ILRUN: variants seen among roughly 807,000 people sequenced by gnomAD.
ILRUN encodes inflammation and lipid regulator with UBA-like and NBR1-like domains.
Under a neutral mutation model 33.8 loss-of-function variants are expected in ILRUN, and 3 were observed. The observed-to-expected ratio is 0.09, with a 90% CI of 0.04 to 0.23. ILRUN has a LOEUF of 0.23. Among genes scored for constraint, ILRUN ranks in the 10% least tolerant of loss-of-function variants. The pLI is 1.00. For missense variants in ILRUN, 210 were observed against 375.1 expected, an observed-to-expected ratio of 0.56 and a Z score of 3.64; for synonymous variants, 124 against 138.9, an observed-to-expected ratio of 0.89 and a Z score of 0.75.
intron 3 of ILRUN, among the ~76,000 whole-genome samples, chr6:34,612,809 A>C (rs991525265): frequency 6.6e-6 from 1 of 152,016 alleles, no homozygotes. Context: ...TTGGGAGGCC[A>C]AGGCGGGCGG....
intron 1 of ILRUN, among the ~76,000 whole-genome samples, chr6:34,669,267 G>A (rs948718424): frequency 6.0e-5 from 9 of 149,964 alleles, no homozygotes; most frequent in African/African-American, 2.2e-4. Flanking sequence ...GGGACTAAAG[G>A]TATGTACCAT....
intron 4 of ILRUN, among the ~76,000 whole-genome samples, chr6:34,599,243 A>G (rs1761461042): frequency 6.6e-6 from 1 of 152,270 alleles, no homozygotes; most frequent in South Asian, 2.1e-4. Context: ...AATGAGGATT[A>G]TAACTACGAA....
At chr6:34,653,969 T>TG (rs1762721343) in intron 2 of ILRUN, among the ~76,000 whole-genome samples, 1 of 75,400 alleles carries the variant, frequency 1.3e-5, no homozygotes, top group African/African-American at 7.6e-5. Flanking sequence ...AGATGCTGTC[T>TG]CAAAAAAAAA....
intron 1 of ILRUN, among the ~76,000 whole-genome samples, chr6:34,693,246 C>T (rs1016678651): frequency 6.6e-6 from 1 of 152,136 alleles, no homozygotes; most frequent in African/African-American, 2.4e-5. Context: ...AAAGAACATG[C>T]CTTATGTAGC....
chr6:34,693,101 C>G (rs1247325609), intron 1 of ILRUN, among the ~76,000 whole-genome samples: 1 of 150,846 alleles, frequency 6.6e-6, no homozygotes, highest in Non-Finnish European at 1.5e-5. Flanking sequence ...AAAAATCTGT[C>G]AAGATGAATT....
intron 4 of ILRUN, among the ~76,000 whole-genome samples, chr6:34,596,617 T>C (rs1321440997): frequency 1.3e-5 from 2 of 152,126 alleles, no homozygotes; most frequent in Non-Finnish European, 2.9e-5. Flanking sequence ...CTTGGCCTGT[T>C]CAAGTCTCTT....
At chr6:34,673,904 TACACACACACACACACACACACAC>T (rs370280008) in intron 1 of ILRUN, among the ~76,000 whole-genome samples, 1 of 113,004 alleles carries the variant, frequency 8.8e-6, no homozygotes, top group Non-Finnish European at 1.9e-5. Flanking sequence ...AACAACCACA[TACACACACACACACACACACACAC>T]ACACACACGA....
chr6:34,662,038 T>C, intron 1 of ILRUN, among the ~76,000 whole-genome samples: 1 of 139,080 alleles, frequency 7.2e-6, no homozygotes, highest in African/African-American at 2.6e-5. Flanking sequence ...GGCAGGAGAA[T>C]GGCGTGAACC....
At chr6:34,624,052 G>A (rs1344108700) in intron 3 of ILRUN, among the ~76,000 whole-genome samples, 1 of 152,102 alleles carries the variant, frequency 6.6e-6, no homozygotes, top group Non-Finnish European at 1.5e-5. Context: ...GGCTGGTCTT[G>A]AACTCCTGAC....
intron 3 of ILRUN, among the ~76,000 whole-genome samples, chr6:34,613,418 G>C (rs1484127225): frequency 6.6e-6 from 1 of 152,180 alleles, no homozygotes; most frequent in Non-Finnish European, 1.5e-5. Flanking sequence ...GCTAGCATCA[G>C]AGGTCAAATC....
At chr6:34,623,900 C>G (rs1012454471) in intron 3 of ILRUN, among the ~76,000 whole-genome samples, 13 of 152,094 alleles carry the variant, frequency 8.5e-5, no homozygotes, top group African/African-American at 3.1e-4. Flanking sequence ...GTCACAATCT[C>G]GGCTCACCGC....
intron 1 of ILRUN, among the ~76,000 whole-genome samples, chr6:34,656,699 A>T (rs889780140): frequency 6.6e-6 from 1 of 152,190 alleles, no homozygotes; most frequent in African/African-American, 2.4e-5. Context: ...AACAGCAAAT[A>T]ATTTTCTGTT....
chr6:34,663,640 A>T (rs1762937503), intron 1 of ILRUN, among the ~76,000 whole-genome samples: 1 of 152,164 alleles, frequency 6.6e-6, no homozygotes, highest in Non-Finnish European at 1.5e-5. Context: ...CACCCCGTCC[A>T]GCTAAGGTCT....
intron 1 of ILRUN, among the ~76,000 whole-genome samples, chr6:34,683,259 C>T (rs1763412244): frequency 6.6e-6 from 1 of 150,868 alleles, no homozygotes; most frequent in Admixed American, 6.6e-5. Context: ...CCCACTCAAA[C>T]AATGGAGGTA....
At chr6:34,612,667 G>A (rs1290119211) in intron 3 of ILRUN, among the ~76,000 whole-genome samples, 1 of 152,166 alleles carries the variant, frequency 6.6e-6, no homozygotes, top group Non-Finnish European at 1.5e-5. Flanking sequence ...AGCACTTTGG[G>A]AGGCCAAAGC....
chr6:34,645,370 T>TTTTGG (rs1397594419), intron 3 of ILRUN, among the ~76,000 whole-genome samples: 3 of 152,002 alleles, frequency 2.0e-5, no homozygotes, highest in African/African-American at 7.3e-5. Context: ...AAGGTTGGTT[T>TTTTGG]TTTTGTTTTG....
At chr6:34,634,120 T>C (rs1480709567) in intron 3 of ILRUN, among the ~76,000 whole-genome samples, 1 of 152,100 alleles carries the variant, frequency 6.6e-6, no homozygotes, top group African/African-American at 2.4e-5. Flanking sequence ...ATTAAAAATG[T>C]ATTTTAAAAA....
intron 3 of ILRUN, among the ~76,000 whole-genome samples, chr6:34,618,707 C>T (rs1298312830): frequency 6.6e-6 from 1 of 152,234 alleles, no homozygotes; most frequent in Non-Finnish European, 1.5e-5. Context: ...TCCTCCCCCT[C>T]ATTCCAGCTC....
intron 1 of ILRUN, among the ~76,000 whole-genome samples, chr6:34,682,255 T>TG (rs1562031948): frequency 9.6e-5 from 9 of 93,364 alleles, no homozygotes; most frequent in Admixed American, 6.8e-4. Flanking sequence ...ACCTCTGTTT[T>TG]TTTTTTTTTT....
Sources: allele counts gnomAD v4.1 joint callset (sites outside exome capture counted in the v4.1 genomes callset), GRCh38; gene constraint gnomAD v4.1.1; transcripts MANE v1.5; gene names NCBI Gene and HGNC (gene_info 2026-07-23, HGNC 2026-07-21).